ZBTB11: variants seen among roughly 807,000 people sequenced by gnomAD.
The protein encoded by ZBTB11 is zinc finger and BTB domain containing 11.
Under a neutral mutation model 113.1 loss-of-function variants are expected in ZBTB11, and 68 were observed. The observed-to-expected ratio is 0.60, with a 90% CI of 0.49 to 0.74. The LOEUF is 0.74. Ranked by LOEUF, ZBTB11 falls within the 30% of genes least tolerant of loss-of-function variation. The pLI is 0.00. For missense variants in ZBTB11, 1,104 were observed against 1,279.4 expected, an observed-to-expected ratio of 0.86 and a Z score of 2.09; for synonymous variants, 518 against 452.6, an observed-to-expected ratio of 1.14 and a Z score of -1.83.
At chr3:101,657,480 T>G (rs1936819026) in intron 6 of ZBTB11, among the ~76,000 whole-genome samples, 2 of 145,110 alleles carry the variant, frequency 1.4e-5, no homozygotes, top group South Asian at 2.1e-4. Flanking sequence ...CACTCCAGCC[T>G]GCGGAAACAG....
intron 6 of ZBTB11, among the ~76,000 whole-genome samples, chr3:101,656,938 A>G (rs1385758317): frequency 6.6e-6 from 1 of 151,426 alleles, no homozygotes; most frequent in Non-Finnish European, 1.5e-5. Flanking sequence ...GTTCGTGACC[A>G]GCCTGGTCAA....
In ZBTB11 at chr3:101,662,954, T is replaced by G. The variant is rs565183780; in HGVS notation, c.1800+1584A>C. Among the ~76,000 whole-genome samples the G allele has an allele frequency of 1.1e-4, 17 of 151,758 alleles. No homozygotes were observed. The South Asian group carries it at 3.5e-3, about 32-fold the overall frequency. ...AATTTTTGTATTTCTTTTTTTTTTT[T>G]TTTGAGACGGAGTCTCGCTCTGTTG... On this transcript the variant is annotated intron_variant, in intron 5 of 10. Coordinates refer to ENST00000312938, the MANE Select transcript of ZBTB11 (RefSeq NM_014415.4).
At chr3:101,663,847 G>C (rs780508836) in intron 5 of ZBTB11, among the ~76,000 whole-genome samples, 1 of 152,054 alleles carries the variant, frequency 6.6e-6, no homozygotes, top group African/African-American at 2.4e-5. Flanking sequence ...CCAAGATTGC[G>C]CCACTGCACT....
rs2108331668 is a variant in ZBTB11, at chr3:101,676,799, C to G, written c.116G>C (p.Cys39Ser). Reference sequence around the variant, plus strand: ...CAGAGTCCCGCCGCGCACCACGTAGCAGGCGGCAGCTTTTCGGATTTTACG... The same window carrying G: ...CAGAGTCCCGCCGCGCACCACGTAGGAGGCGGCAGCTTTTCGGATTTTACG... ...VKRKIRKAAA[C>S]YVVRGGTLYY... Residue 39 changes from cysteine (C) to serine (S), a missense_variant, in exon 1 of 11, where the codon TGC becomes TCC. Physicochemically the swap from Cys to Ser is moderately radical, Grantham distance 112 (BLOSUM62 -1). Around this residue, in one of 5 missense-constraint regions of ZBTB11, gnomAD observed 245 missense variants for 272.5 expected, o/e 0.90. Transcript: ENST00000312938. The G allele has an allele frequency of 5.6e-6, 9 of 1,612,250 alleles. No individual in the cohort carries two copies. In the South Asian group the frequency reaches 8.8e-5, roughly 16 times the overall value.
In ZBTB11 at chr3:101,651,208, T is replaced by A; in HGVS notation, c.3120A>T (p.Gln1040His). Residue 1040 changes from glutamine to histidine, a missense_variant, in exon 11 of 11, where the codon CAA (glutamine) becomes CAT (histidine). Gln to His is a conservative substitution (Grantham distance 24). Transcript: ENST00000312938. Reference sequence around the variant, plus strand: ...TATGTGCTACCTCTACTTTAACAGTTTGAATAGCTTCTGCAACTTCAGATA... The same window carrying A: ...TATGTGCTACCTCTACTTTAACAGTATGAATAGCTTCTGCAACTTCAGATA... ...QKLSEVAEAI[Q>H]TVKVEVAHIS... 1.9e-6 allele frequency: 3 copies of A among 1,608,742 alleles called. No homozygotes were observed. The highest frequency in any genetic ancestry group is 1.7e-6 in the Non-Finnish European group (2 of 1,178,148).
chr3:101,663,989 A>G (rs550836748), intron 5 of ZBTB11, among the ~76,000 whole-genome samples: 1 of 152,332 alleles, frequency 6.6e-6, no homozygotes, highest in South Asian at 2.1e-4. Flanking sequence ...AGTACAGTAC[A>G]TTTAGCTTCA....
Position 101,672,174 on chromosome 3 carries a change from C to T in ZBTB11, c.350G>A (p.Ser117Asn). Reference protein sequence around the residue: ...KQVKDYIKQCSKCQEKLDRSR... With the variant: ...KQVKDYIKQCNKCQEKLDRSR... ...TCGATCTAGTTTCTCCTGGCATTTGCTACACTGTTTAATGTAATCTTTGAC... is the reference window on the plus strand; with the variant it reads ...TCGATCTAGTTTCTCCTGGCATTTGTTACACTGTTTAATGTAATCTTTGAC... The change falls in exon 2 of 11, where the codon AGC (serine) becomes AAC (asparagine). Residue 117 changes from serine (S) to asparagine (N), a missense_variant. By Grantham distance (46) the Ser-to-Asn change is conservative (BLOSUM62 1). Around this residue, in one of 5 missense-constraint regions of ZBTB11, gnomAD observed 245 missense variants for 272.5 expected, o/e 0.90. Transcript: ENST00000312938. 6.2e-7 allele frequency: 1 copy of T among 1,613,816 alleles called. No individual in the cohort carries two copies. Among genetic ancestry groups the T allele is most frequent in the South Asian group, 1.1e-5 (1 of 91,014 alleles).
At chr3:101,668,058 C>T (rs951266752) in intron 3 of ZBTB11, among the ~76,000 whole-genome samples, 1 of 151,604 alleles carries the variant, frequency 6.6e-6, no homozygotes, top group African/African-American at 2.4e-5. Context: ...TTTGCAGCAA[C>T]ATGATAAACC....
chr3:101,661,590 T>A (rs1936888608), intron 5 of ZBTB11, among the ~76,000 whole-genome samples: 1 of 152,258 alleles, frequency 6.6e-6, no homozygotes, highest in South Asian at 2.1e-4. Context: ...TCTTCTAGTT[T>A]CTGTTGCTGT....
intron 5 of ZBTB11, among the ~76,000 whole-genome samples, chr3:101,663,521 C>G (rs960666973): frequency 2.6e-5 from 4 of 152,232 alleles, no homozygotes; most frequent in Non-Finnish European, 4.4e-5. Context: ...CAGTAGCTGT[C>G]TTTTGTTACT....
chr3:101,671,007 A>T lies in ZBTB11; in HGVS notation c.778+123T>A, dbSNP rs1020271142. The stretch of plus-strand genomic sequence containing the variant: ...AAAAAGAACCTTTTCAGTACAGCTT[A>T]GTCTACTGTTGTTAGTGGGCTTCTC... On this transcript the variant is annotated intron_variant, in intron 3 of 10. Coordinates refer to ENST00000312938, the MANE Select transcript of ZBTB11 (RefSeq NM_014415.4). 6.7e-6 allele frequency: 5 copies of T among 742,450 alleles called. No homozygotes were observed. In the Admixed American group the frequency reaches 8.3e-5, roughly 12 times the overall value. 46.0% of individuals were successfully genotyped at this position (742,450 alleles called of 1,614,324 possible).
intron 3 of ZBTB11, among the ~76,000 whole-genome samples, chr3:101,668,351 G>C (rs1256249607): frequency 6.6e-6 from 1 of 152,114 alleles, no homozygotes; most frequent in Non-Finnish European, 1.5e-5. Context: ...AAAGCTACAA[G>C]AAGCCTGGCA....
intron 8 of ZBTB11, 88 bp downstream of exon 8, chr3:101,654,614 TAC>T (rs1485073553): frequency 9.2e-7 from 1 of 1,090,036 alleles, no homozygotes; most frequent in South Asian, 1.5e-5. Flanking sequence ...AAACTGAAGT[TAC>T]AGTTTAATAT....
intron 8 of ZBTB11, among the ~76,000 whole-genome samples, chr3:101,654,229 T>C (rs560255197): frequency 1.2e-4 from 18 of 152,234 alleles, no homozygotes; most frequent in Admixed American, 4.6e-4. Context: ...TTAGTAGAGA[T>C]GGGGTTTTGC....
rs772253718 is a variant in ZBTB11 at position 101,665,105 on chromosome 3, T to C, written c.1482A>G (p.Thr494=). ...AAGTATCATCATCAGGGCCAAAGTCTGTCTTTGCTGTTGATGCAACTAGAT... is the reference window on the plus strand; with the variant it reads ...AAGTATCATCATCAGGGCCAAAGTCCGTCTTTGCTGTTGATGCAACTAGAT... The part of the protein sequence containing the change: ...QENLVASTAK[T]DFGPDDDTYR... The change falls in exon 4 of 11, where the codon ACA becomes ACG. Residue 494 remains threonine (T), a synonymous_variant. Transcript: ENST00000312938. 1 of 1,614,206 alleles carries C rather than the reference T, an allele frequency of 6.2e-7. No individual in the cohort carries two copies. Among genetic ancestry groups the C allele is most frequent in the South Asian group, 1.1e-5 (1 of 91,088 alleles).
Position 101,656,095 on chromosome 3 carries a change from T to C in ZBTB11, c.2191+9A>G. On this transcript the variant is annotated intron_variant, in intron 7 of 10. Coordinates refer to ENST00000312938, the MANE Select transcript of ZBTB11 (RefSeq NM_014415.4). ...AAATGTAACTATGTCAATATAAATT[T>C]CTCATTACCTGTGTGAATACTCATA... 1 of 1,489,384 alleles carries C rather than the reference T, an allele frequency of 6.7e-7. No individual in the cohort carries two copies. The highest frequency in any genetic ancestry group is 8.9e-7 in the Non-Finnish European group (1 of 1,117,994). 92.3% of individuals were successfully genotyped at this position (1,489,384 alleles called of 1,614,324 possible).
intron 10 of ZBTB11, among the ~76,000 whole-genome samples, chr3:101,652,162 T>C (rs566714383): frequency 2.0e-4 from 31 of 152,224 alleles, no homozygotes; most frequent in African/African-American, 7.5e-4. Context: ...TTCTGAACTA[T>C]AAATCTCTCT....
rs370452006 is a variant in ZBTB11 at position 101,672,000 on chromosome 3, A to G, written c.524T>C (p.Val175Ala). 3 of 1,613,934 alleles carry G rather than the reference A, an allele frequency of 1.9e-6. No homozygotes were observed. The highest frequency in any genetic ancestry group is 2.7e-5 in the African/African-American group (2 of 74,942). The change falls in exon 2 of 11, where the codon GTA becomes GCA. Residue 175 changes from valine (V) to alanine (A), a missense_variant. By Grantham distance (64) the Val-to-Ala change is moderately conservative. Transcript: ENST00000312938. ...TACAAACACAAGTTCATGTTTGGAT[A>G]CTGGCTTCTTTTTTGCAGGCTTGGA... is the stretch of plus-strand genomic sequence containing the variant. The part of the protein sequence containing the change: ...TASKPAKKKP[V>A]SKHELVFVDT...
intron 6 of ZBTB11, among the ~76,000 whole-genome samples, chr3:101,658,674 A>G (rs1023879906): frequency 1.2e-4 from 18 of 152,328 alleles, no homozygotes; most frequent in African/African-American, 4.1e-4. Context: ...ATGGAAAACC[A>G]AACATCGTAT....
Sources: gnomAD v4.1 joint callset for allele counts (sites outside exome capture counted in the v4.1 genomes callset) on GRCh38, gnomAD v4.1.1 for gene constraint, gnomAD v4.1.1 regional missense constraint, MANE v1.5 for transcripts, NCBI Gene and HGNC (gene_info 2026-07-23, HGNC 2026-07-21) for gene names.